The following LAMC3 variants were observed in gnomAD, a reference collection of about 807,000 sequenced individuals.
The protein encoded by LAMC3 is laminin subunit gamma 3.
A neutral mutation model predicts 173.8 loss-of-function variants in LAMC3; 128 were observed. The ratio of observed to expected loss-of-function variants is 0.74; its 90% confidence interval spans 0.64 to 0.85. The LOEUF (loss-of-function observed/expected upper bound fraction) is 0.85. LAMC3 is among the 40% of genes least tolerant of loss of function. LAMC3 has a pLI of 0.00. For synonymous variants in LAMC3, 897 were observed against 909.1 expected (o/e 0.99, Z 0.24); for missense variants, 2,022 against 2,156.0 (o/e 0.94, Z 1.23).
At position 131,009,414 on chromosome 9, in the gene LAMC3, C is replaced by T. The variant is rs1833365085; in HGVS notation, c.200C>T (p.Ala67Val). ...GAGGACTTCTGTCCCCACGTGGGCG[C>T]CGCGGGCGCGGGGGCTCATTGCCAG... ...PPEDFCPHVG[A>V]AGAGAHCQRC... The change falls in exon 1 of 28, where the codon GCC (alanine) becomes GTC (valine). Residue 67 changes from alanine (A) to valine (V), a missense_variant. Transcript: ENST00000361069. This position sits in a 1 kb window ranked among gnomAD's most constrained non-coding sequence, Gnocchi z 4.3. The T allele has an allele frequency of 6.5e-7, 1 of 1,541,166 alleles. No individual in the cohort carries two copies. The highest frequency in any genetic ancestry group is 1.7e-4 in the Middle Eastern group (1 of 5,920).
intron 15 of LAMC3, among the ~76,000 whole-genome samples, 179 bp from the exon 16 acceptor site, chr9:131,068,729 T>C (rs1489291567): frequency 6.6e-6 from 1 of 152,124 alleles, no homozygotes; most frequent in Non-Finnish European, 1.5e-5. Context: ...TCCCTGAGCA[T>C]CCTGGGAAAC....
At chr9:131,070,249 G>T (rs1830016367) in intron 17 of LAMC3, among the ~76,000 whole-genome samples, 1 of 152,210 alleles carries the variant, frequency 6.6e-6, no homozygotes, top group Non-Finnish European at 1.5e-5. Context: ...ACCCATTGGG[G>T]TTCCCCTCCC....
rs1054281893 is a variant in LAMC3, at chr9:131,072,694, G to A, written c.3276G>A (p.Glu1092=). The A allele has an allele frequency of 3.7e-6, 6 of 1,611,990 alleles. No individual in the cohort carries two copies. The African/African-American group carries it at 4.0e-5, about 11-fold the overall frequency. ...SLEGAVKAAR[E]QLQRLNKGAR... is the part of the protein sequence containing the mutation. Reference sequence around the variant, plus strand: ...AGGGTGCTGTCAAGGCCGCCCGGGAGCAGCTGCAGAGGCTGAACAAGGGTG... The same window carrying A: ...AGGGTGCTGTCAAGGCCGCCCGGGAACAGCTGCAGAGGCTGAACAAGGGTG... The change falls in exon 19 of 28, where the codon GAG becomes GAA. Residue 1092 remains glutamate (E), a synonymous_variant. Transcript: ENST00000361069.
intron 13 of LAMC3, among the ~76,000 whole-genome samples, chr9:131,062,526 C>T (rs1829850216): frequency 1.3e-5 from 2 of 152,104 alleles, no homozygotes; most frequent in South Asian, 2.1e-4. Context: ...TGTCACTCAT[C>T]CATCTCTAGA....
intron 22 of LAMC3, among the ~76,000 whole-genome samples, chr9:131,078,274 G>C (rs778453940): frequency 6.6e-6 from 1 of 151,994 alleles, no homozygotes; most frequent in East Asian, 1.9e-4. Context: ...GGCGGATCAC[G>C]AGATCAGGAG....
chr9:131,057,871 TA>T (rs1371139061), intron 12 of LAMC3, among the ~76,000 whole-genome samples: 1 of 152,198 alleles, frequency 6.6e-6, no homozygotes, highest in Non-Finnish European at 1.5e-5. Flanking sequence ...TGGGAAATAA[TA>T]AAATAGTGTC....
chr9:131,025,850 AGATAT>A (rs1322664104), intron 1 of LAMC3, among the ~76,000 whole-genome samples: 1 of 152,160 alleles, frequency 6.6e-6, no homozygotes, highest in East Asian at 1.9e-4. Context: ...TAGGATTAGG[AGATAT>A]GTGGTCATTG....
At chr9:131,067,241 G>A (rs1829956041) in intron 14 of LAMC3, 36 bp downstream of exon 14, 1 of 1,609,636 alleles carries the variant, frequency 6.2e-7, no homozygotes, top group African/African-American at 1.3e-5. Flanking sequence ...GGTGGCACAT[G>A]GTGGGCCCCT....
intron 4 of LAMC3, among the ~76,000 whole-genome samples, chr9:131,038,305 C>G (rs1157189381): frequency 6.6e-6 from 1 of 152,222 alleles, no homozygotes; most frequent in Non-Finnish European, 1.5e-5. Flanking sequence ...GGGCTGTGGG[C>G]AGCACGAGGG....
chr9:131,012,976 G>C (rs1015214018), intron 1 of LAMC3, among the ~76,000 whole-genome samples: 2 of 152,230 alleles, frequency 1.3e-5, no homozygotes, highest in Non-Finnish European at 2.9e-5. Context: ...GGCAGCCCCA[G>C]CCCACCACCA....
chr9:131,013,672 G>A (rs1019559077), intron 1 of LAMC3, among the ~76,000 whole-genome samples: 1 of 152,234 alleles, frequency 6.6e-6, no homozygotes, highest in African/African-American at 2.4e-5. Flanking sequence ...TCTAGGGTCA[G>A]GAAGGGTCTC....
intron 27 of LAMC3, among the ~76,000 whole-genome samples, chr9:131,091,165 G>C (rs745424496): frequency 6.6e-6 from 1 of 152,232 alleles, no homozygotes; most frequent in Non-Finnish European, 1.5e-5. Flanking sequence ...TCAGTGAATT[G>C]AGCCAGCATG....
chr9:131,071,348 C>G, intron 17 of LAMC3, 136 bp from the exon 18 acceptor site: 1 of 984,936 alleles, frequency 1.0e-6, no homozygotes. Flanking sequence ...GTGGCATACC[C>G]TTAGCGCTGA....
intron 13 of LAMC3, among the ~76,000 whole-genome samples, chr9:131,062,602 C>T (rs1276519509): frequency 6.6e-6 from 1 of 152,104 alleles, no homozygotes; most frequent in Non-Finnish European, 1.5e-5. Context: ...GGCGCAGTGG[C>T]TCATGCCTGT....
intron 3 of LAMC3, among the ~76,000 whole-genome samples, chr9:131,033,943 C>T (rs1588143795): frequency 6.6e-6 from 1 of 152,100 alleles, no homozygotes. Flanking sequence ...CAGAGAAGGC[C>T]AAGGCTCGTC....
chr9:131,073,131 T>C, intron 19 of LAMC3, 114 bp from the exon 20 acceptor site: 1 of 842,308 alleles, frequency 1.2e-6, no homozygotes, highest in South Asian at 1.4e-5. Context: ...GCCAGCTTTG[T>C]GCATTTATAA....
At chr9:131,054,496 G>A (rs188359506) in intron 11 of LAMC3, among the ~76,000 whole-genome samples, 45 of 152,328 alleles carry the variant, frequency 3.0e-4, no homozygotes, top group African/African-American at 1.0e-3. Context: ...GCTCACGCCT[G>A]TAATCCCAGC....
intron 2 of LAMC3, among the ~76,000 whole-genome samples, chr9:131,027,112 G>A (rs1833734091): frequency 6.6e-6 from 1 of 152,260 alleles, no homozygotes; most frequent in South Asian, 2.1e-4. Context: ...GGGCTACTCA[G>A]TGGACCAGAG....
intron 1 of LAMC3, among the ~76,000 whole-genome samples, chr9:131,010,788 G>C (rs1432450419): frequency 2.0e-5 from 3 of 152,234 alleles, no homozygotes; most frequent in African/African-American, 7.2e-5. Flanking sequence ...GAAGCCCTTA[G>C]ATCTCCAGGA....
Sources: allele counts gnomAD v4.1 joint callset (sites outside exome capture counted in the v4.1 genomes callset), GRCh38; gene constraint gnomAD v4.1.1; non-coding constraint Gnocchi (gnomAD v3.1); transcripts MANE v1.5; gene names NCBI Gene and HGNC (gene_info 2026-07-23, HGNC 2026-07-21).